Variants in C8orf34 observed in about 807,000 individuals in gnomAD.
The protein encoded by C8orf34 is uncharacterized protein C8orf34.
C8orf34 carries 65 observed loss-of-function variants against 68.3 expected under a neutral mutation model. The ratio of observed to expected loss-of-function variants is 0.95; its 90% CI spans 0.78 to 1.17. The LOEUF is 1.17. Among genes scored for constraint, C8orf34 ranks in the 50% most tolerant of loss-of-function variants. The pLI, the probability that C8orf34 is intolerant of heterozygous loss-of-function variation, is 0.00. For synonymous variants in C8orf34, 244 were observed against 241.2 expected (o/e 1.01, Z -0.11); for missense variants, 664 against 655.4 (o/e 1.01, Z -0.14).
At chr8:68,515,309 T>G (rs1416981085) in intron 5 of C8orf34, among the ~76,000 whole-genome samples, 1 of 152,050 alleles carries the variant, frequency 6.6e-6, no homozygotes, top group Non-Finnish European at 1.5e-5. Flanking sequence ...GCCCTCCCTT[T>G]TTTCCTTCTT....
rs535578865 is a variant in C8orf34 at position 68,594,895 on chromosome 8, A to G, written c.1106-45481A>G. Among the ~76,000 whole-genome samples, 86 of 152,138 alleles carry G rather than the reference A, an allele frequency of 5.7e-4. No individual in the cohort carries two copies. The Middle Eastern group carries it at 0.017, about 30-fold the overall frequency. On this transcript the variant is annotated intron_variant, in intron 7 of 13. Coordinates refer to ENST00000518698, the MANE Select transcript of C8orf34 (RefSeq NM_052958.4). ...TTCATACCTTTAATAGGATAGATCAATTTTAATCCTGCTGGCTTTCTGGTT... is the reference window on the plus strand; with the variant it reads ...TTCATACCTTTAATAGGATAGATCAGTTTTAATCCTGCTGGCTTTCTGGTT...
chr8:68,533,203 A>AT, intron 7 of C8orf34, 54 bp downstream of exon 7: 2 of 1,532,290 alleles, frequency 1.3e-6, no homozygotes, highest in South Asian at 1.3e-5. Flanking sequence ...TGTAAAAAAA[A>AT]CGTGTGGTGA....
At chr8:68,461,883 C>A (rs530205879) in intron 3 of C8orf34, among the ~76,000 whole-genome samples, 1 of 152,292 alleles carries the variant, frequency 6.6e-6, no homozygotes, top group South Asian at 2.1e-4. Flanking sequence ...ACTGCATCAA[C>A]TAACGAGCAA....
intron 8 of C8orf34, among the ~76,000 whole-genome samples, chr8:68,642,842 G>T (rs1431952093): frequency 6.6e-6 from 1 of 152,166 alleles, no homozygotes; most frequent in East Asian, 1.9e-4. Flanking sequence ...GGTGGATTTT[G>T]AGATAGAACT....
At chr8:68,590,654 C>T (rs1250437421) in intron 7 of C8orf34, among the ~76,000 whole-genome samples, 1 of 152,194 alleles carries the variant, frequency 6.6e-6, no homozygotes, top group African/African-American at 2.4e-5. Context: ...TATCTAACTA[C>T]ATGTGGAAGT....
chr8:68,614,134 T>C (rs1818117324), intron 7 of C8orf34, among the ~76,000 whole-genome samples: 1 of 152,132 alleles, frequency 6.6e-6, no homozygotes, highest in Non-Finnish European at 1.5e-5. Context: ...TTTGATGGGA[T>C]TGTTTGTTTT....
chr8:68,349,274 C>T (rs1171357429), intron 1 of C8orf34, among the ~76,000 whole-genome samples: 3 of 152,088 alleles, frequency 2.0e-5, no homozygotes, highest in Middle Eastern at 3.4e-3. Flanking sequence ...TGATGAATCA[C>T]ATTTATTGAT....
At chr8:68,477,589 G>A (rs1365995885) in intron 4 of C8orf34, among the ~76,000 whole-genome samples, 1 of 152,236 alleles carries the variant, frequency 6.6e-6, no homozygotes, top group African/African-American at 2.4e-5. Flanking sequence ...AAAAGCCACA[G>A]ACACTCAATG....
chr8:68,797,518 G>A (rs558246394), intron 12 of C8orf34, among the ~76,000 whole-genome samples: 31 of 150,824 alleles, frequency 2.1e-4, no homozygotes, highest in African/African-American at 5.6e-4. Context: ...TGGCCACCCA[G>A]AATGTGGCCA....
chr8:68,752,528 G>T (rs1822736734), intron 10 of C8orf34, among the ~76,000 whole-genome samples: 1 of 152,144 alleles, frequency 6.6e-6, no homozygotes, highest in South Asian at 2.1e-4. Context: ...AATGCTTTAA[G>T]AGCCTTAATT....
rs529989346 is a variant in C8orf34 at position 68,625,201 on chromosome 8, C to A, written c.1106-15175C>A. Among the ~76,000 whole-genome samples the A allele has an allele frequency of 5.3e-5, 8 of 152,188 alleles. No individual in the cohort carries two copies. In the East Asian group the frequency reaches 1.6e-3, roughly 30 times the overall value. ...TCTGGGGTTGAGAAGGGAGCAAGTACAAGAGACCTCAGGGCCGTAATATTC... is the reference window on the plus strand; with the variant it reads ...TCTGGGGTTGAGAAGGGAGCAAGTAAAAGAGACCTCAGGGCCGTAATATTC... On this transcript the variant is annotated intron_variant, in intron 7 of 13. Transcript: ENST00000518698.
At chr8:68,779,096 G>A (rs988113545) in intron 11 of C8orf34, among the ~76,000 whole-genome samples, 11 of 151,978 alleles carry the variant, frequency 7.2e-5, no homozygotes, top group Admixed American at 3.3e-4. Flanking sequence ...AGGATTGCTT[G>A]AGCCCAGGAG....
At chr8:68,582,244 T>C (rs949550806) in intron 7 of C8orf34, among the ~76,000 whole-genome samples, 1 of 152,098 alleles carries the variant, frequency 6.6e-6, no homozygotes, top group Non-Finnish European at 1.5e-5. Flanking sequence ...AAAGAGGGAA[T>C]GACCTAATGC....
chr8:68,477,263 C>T lies in C8orf34; in HGVS notation c.736+8443C>T, dbSNP rs74335623. ...ATCAGGGGTAGGGACTTCTATGCTACAGGAATCTTGTCAGTAGATTATGAT... is the reference window on the plus strand; with the variant it reads ...ATCAGGGGTAGGGACTTCTATGCTATAGGAATCTTGTCAGTAGATTATGAT... On this transcript the variant is annotated intron_variant, in intron 4 of 13. Transcript: ENST00000518698. Among the ~76,000 whole-genome samples, 1,087 of 152,294 alleles carry T rather than the reference C, an allele frequency of 7.1e-3. 5 individuals carry two copies. Among genetic ancestry groups the T allele is most frequent in the Non-Finnish European group, 0.012 (806 of 68,018 alleles).
At chr8:68,741,259 A>G (rs370022835) in intron 10 of C8orf34, among the ~76,000 whole-genome samples, 1 of 152,204 alleles carries the variant, frequency 6.6e-6, no homozygotes, top group Non-Finnish European at 1.5e-5. Flanking sequence ...TCCGACATTC[A>G]TATTACCTTA....
intron 7 of C8orf34, among the ~76,000 whole-genome samples, chr8:68,599,195 A>G (rs1203077917): frequency 1.3e-5 from 2 of 152,100 alleles, no homozygotes; most frequent in Admixed American, 6.6e-5. Context: ...GAGGGTCTAC[A>G]TAAATGCTAA....
chr8:68,344,692 G>T (rs2129618205), intron 1 of C8orf34, among the ~76,000 whole-genome samples: 1 of 152,204 alleles, frequency 6.6e-6, no homozygotes, highest in Non-Finnish European at 1.5e-5. Context: ...AGACAGGGTT[G>T]CATAATAGAA....
chr8:68,699,413 G>C (rs1031276244), intron 8 of C8orf34, among the ~76,000 whole-genome samples: 1 of 152,036 alleles, frequency 6.6e-6, no homozygotes, highest in African/African-American at 2.4e-5. Context: ...GCTTTCTCCT[G>C]GAGTTTCCTT....
intron 6 of C8orf34, among the ~76,000 whole-genome samples, chr8:68,525,328 G>A (rs1034221931): frequency 4.6e-5 from 7 of 152,112 alleles, no homozygotes; most frequent in Non-Finnish European, 7.4e-5. Context: ...ATAAATAATT[G>A]TAATTGATTA....
Sources: gnomAD v4.1 joint callset for allele counts (sites outside exome capture counted in the v4.1 genomes callset) on GRCh38, gnomAD v4.1.1 for gene constraint, MANE v1.5 for transcripts, NCBI Gene and HGNC (gene_info 2026-07-23, HGNC 2026-07-21) for gene names.